The following GPHN variants were observed in gnomAD, a reference collection of about 807,000 sequenced individuals.
GPHN encodes the protein gephyrin.
In GPHN, 17 loss-of-function variants were observed where a neutral mutation model predicts 95.5. That is an observed-to-expected ratio of 0.18 (90% confidence interval 0.12 to 0.27). GPHN has a LOEUF of 0.27. Ranked by LOEUF, GPHN falls within the 10% of genes least tolerant of loss-of-function variation. The pLI is 1.00. For missense variants in GPHN, 660 were observed against 978.1 expected, an observed-to-expected ratio of 0.67 and a Z score of 4.34; for synonymous variants, 320 against 322.5, an observed-to-expected ratio of 0.99 and a Z score of 0.08.
chr14:67,297,819 A>G, the GPHN span, among the ~76,000 whole-genome samples: 226 of 152,380 alleles, frequency 1.5e-3, 1 homozygote, highest in Non-Finnish European at 2.5e-3. Context: ...ACATTCTGCC[A>G]ATAGTCAGAT....
chr14:67,321,201 A>T, the GPHN span: 4 of 1,614,222 alleles, frequency 2.5e-6, no homozygotes, highest in Non-Finnish European at 3.4e-6. Flanking sequence ...ACTAGCATAG[A>T]TTCTGTACGG....
intron 9 of GPHN, chr14:66,985,662 C>T: frequency 2.0e-6 from 3 of 1,499,690 alleles, no homozygotes; most frequent in Non-Finnish European, 2.7e-6. Context: ...GTCTTTCTTA[C>T]CCATCTTCCC....
intron 12 of GPHN, among the ~76,000 whole-genome samples, chr14:67,096,079 TGAGAAATAA>T (rs892107594): frequency 5.3e-5 from 8 of 151,772 alleles, no homozygotes; most frequent in Non-Finnish European, 1.0e-4. Flanking sequence ...CATTAACTGT[TGAGAAATAA>T]GAGAAATAAG....
the GPHN span, chr14:67,387,599 C>A: frequency 3.3e-5 from 28 of 857,710 alleles, no homozygotes; most frequent in East Asian, 8.7e-4. Context: ...GTTAGAGAAT[C>A]CTATCAGATG....
chr14:66,771,152 C>T (rs2059153189), intron 2 of GPHN, among the ~76,000 whole-genome samples: 1 of 152,174 alleles, frequency 6.6e-6, no homozygotes, highest in Non-Finnish European at 1.5e-5. Flanking sequence ...ACTTTCATTT[C>T]AGTTATCACT....
At chr14:66,952,733 C>G (rs147350210) in intron 8 of GPHN, among the ~76,000 whole-genome samples, 74 of 152,222 alleles carry the variant, frequency 4.9e-4, no homozygotes, top group African/African-American at 1.8e-3. Flanking sequence ...CTCGCACTAT[C>G]GCCCAGGCTG....
the GPHN span, chr14:67,576,257 T>C: frequency 3.2e-6 from 2 of 622,950 alleles, no homozygotes; most frequent in Middle Eastern, 4.3e-4. This position sits in a 1 kb window ranked among gnomAD's most constrained non-coding sequence, Gnocchi z 4.0. Flanking sequence ...CCTCAGTCTT[T>C]CCAGGTAGCC....
the GPHN span, among the ~76,000 whole-genome samples, chr14:67,475,818 C>T: frequency 6.6e-6 from 1 of 152,242 alleles, no homozygotes; most frequent in Admixed American, 6.5e-5. Flanking sequence ...CCACCAGCGA[C>T]TGTCTGCACC....
the GPHN span, among the ~76,000 whole-genome samples, chr14:67,264,809 TTA>T: frequency 6.6e-6 from 1 of 152,258 alleles, no homozygotes; most frequent in African/African-American, 2.4e-5. Flanking sequence ...TACAGATGTG[TTA>T]TATATATGCT....
the GPHN span, among the ~76,000 whole-genome samples, chr14:67,442,725 G>A: frequency 2.0e-5 from 3 of 152,218 alleles, no homozygotes; most frequent in African/African-American, 7.2e-5. Context: ...AAACAGCCTT[G>A]TAAACAAGCA....
At chr14:67,386,961 T>C in the GPHN span, 122 of 157,648 alleles carry the variant, frequency 7.7e-4, no homozygotes, top group East Asian at 0.015. Context: ...TTTTACTAAT[T>C]CCAAAGAAGT....
At chr14:67,325,071 A>AT in the GPHN span, among the ~76,000 whole-genome samples, 3 of 151,394 alleles carry the variant, frequency 2.0e-5, no homozygotes, top group African/African-American at 4.9e-5. Flanking sequence ...TGCCTGGCTA[A>AT]TTTTTTTGTA....
chr14:67,718,441 T>C, the GPHN span, among the ~76,000 whole-genome samples: 2 of 152,246 alleles, frequency 1.3e-5, no homozygotes, highest in Non-Finnish European at 2.9e-5. Flanking sequence ...AGATGATTTA[T>C]GACCAAAGGT....
the GPHN span, among the ~76,000 whole-genome samples, chr14:67,508,962 T>C: frequency 6.6e-6 from 1 of 152,096 alleles, no homozygotes; most frequent in African/African-American, 2.4e-5. Context: ...TGAATTATAA[T>C]GATGGGCAGG....
At chr14:67,487,758 T>C in the GPHN span, among the ~76,000 whole-genome samples, 3 of 152,066 alleles carry the variant, frequency 2.0e-5, no homozygotes, top group Admixed American at 1.3e-4. Context: ...TACAAGCTAA[T>C]ACAAATCTTA....
intron 1 of GPHN, among the ~76,000 whole-genome samples, chr14:66,660,970 C>T (rs562904094): frequency 1.6e-4 from 24 of 152,266 alleles, no homozygotes; most frequent in Non-Finnish European, 2.5e-4. Flanking sequence ...CCAGGGCCTT[C>T]GGTCTGACAC....
chr14:66,857,651 TAAC>T (rs762883576), intron 4 of GPHN, among the ~76,000 whole-genome samples: 93 of 152,126 alleles, frequency 6.1e-4, no homozygotes, highest in Non-Finnish European at 1.0e-3. Context: ...ACACCAAACT[TAAC>T]AACTCTCCAC....
the GPHN span, chr14:67,646,641 T>C: frequency 1.3e-6 from 2 of 1,599,540 alleles, no homozygotes; most frequent in Admixed American, 1.7e-5. Context: ...CTCCCTTTCA[T>C]AGGTACCACA....
chr14:67,434,998 A>C, the GPHN span, among the ~76,000 whole-genome samples: 1 of 134,928 alleles, frequency 7.4e-6, no homozygotes. Context: ...ATGGAGTCTC[A>C]CTCTGTCACC....
Sources: gnomAD v4.1 joint callset for allele counts (sites outside exome capture counted in the v4.1 genomes callset) on GRCh38, gnomAD v4.1.1 for gene constraint, Gnocchi (gnomAD v3.1) non-coding constraint, MANE v1.5 for transcripts, NCBI Gene and HGNC (gene_info 2026-07-23, HGNC 2026-07-21) for gene names.